Variants in DMXL2 observed in about 807,000 individuals in gnomAD.
DMXL2 encodes the protein dmX-like protein 2.
A neutral mutation model predicts 331.1 loss-of-function variants in DMXL2; 103 were observed. That is an observed-to-expected ratio of 0.31 (90% CI 0.27 to 0.37). The LOEUF is 0.37. Ranked by LOEUF, DMXL2 falls within the 10% of genes least tolerant of loss-of-function variation. The pLI is 1.00. For synonymous variants in DMXL2, 1,281 were observed against 1,252.1 expected (o/e 1.02, Z -0.49); for missense variants, 3,171 against 3,642.9 (o/e 0.87, Z 3.33).
chr15:51,448,887 T>C lies in DMXL2; in HGVS notation c.*97A>G. Reference sequence around the variant, plus strand: ...ATATTCAAATTCTACACAGAGATTCTCTGTTTTCAATACAACTGCTTAGAA... The same window carrying C: ...ATATTCAAATTCTACACAGAGATTCCCTGTTTTCAATACAACTGCTTAGAA... On this transcript the variant is annotated 3_prime_UTR_variant, in exon 44 of 44. Coordinates refer to ENST00000560891, the MANE Select transcript of DMXL2 (RefSeq NM_001378457.1). 1 of 1,227,822 alleles carries C rather than the reference T, an allele frequency of 8.1e-7. No individual in the cohort carries two copies. The highest frequency in any genetic ancestry group is 1.2e-6 in the Non-Finnish European group (1 of 868,536). 76.1% of individuals were successfully genotyped at this position (1,227,822 alleles called of 1,614,324 possible).
At chr15:51,587,305 C>T (rs2051918710) in intron 1 of DMXL2, among the ~76,000 whole-genome samples, 1 of 152,110 alleles carries the variant, frequency 6.6e-6, no homozygotes, top group South Asian at 2.1e-4. Flanking sequence ...TCTCCTAATG[C>T]TATCCCTCCC....
intron 1 of DMXL2, among the ~76,000 whole-genome samples, chr15:51,597,598 G>A (rs929593228): frequency 5.3e-5 from 8 of 152,160 alleles, no homozygotes; most frequent in Admixed American, 1.3e-4. Context: ...ATGCTGCTAT[G>A]AACATTCTTG....
At chr15:51,548,997 T>C (rs2049045025) in intron 6 of DMXL2, among the ~76,000 whole-genome samples, 1 of 151,896 alleles carries the variant, frequency 6.6e-6, no homozygotes, top group Non-Finnish European at 1.5e-5. Flanking sequence ...GGGGAACAGG[T>C]AGTGTTTGGT....
At chr15:51,454,602 T>G (rs1347544885) in intron 40 of DMXL2, among the ~76,000 whole-genome samples, 7 of 152,130 alleles carry the variant, frequency 4.6e-5, no homozygotes, top group Non-Finnish European at 1.0e-4. Flanking sequence ...GTTCAAGCGA[T>G]TCTCCTGCCT....
chr15:51,572,085 G>C (rs755809040), intron 2 of DMXL2, among the ~76,000 whole-genome samples: 18 of 151,902 alleles, frequency 1.2e-4, no homozygotes, highest in Non-Finnish European at 2.2e-4. Flanking sequence ...AGACACAATA[G>C]AAAATGATAA....
chr15:51,478,010 A>C (rs968665092), intron 26 of DMXL2, among the ~76,000 whole-genome samples: 1 of 151,984 alleles, frequency 6.6e-6, no homozygotes, highest in Non-Finnish European at 1.5e-5. Flanking sequence ...TGGACAGTAA[A>C]CTCTTCTTTC....
intron 6 of DMXL2, 44 bp downstream of exon 6, chr15:51,563,337 T>C: frequency 7.0e-7 from 1 of 1,422,458 alleles, no homozygotes; most frequent in East Asian, 2.4e-5. Context: ...ACATTTTAAA[T>C]TCTTTTATTT....
In DMXL2 at chr15:51,459,648, GTTC is replaced by G; in HGVS notation, c.7936_7938del (p.Glu2646del). 1 of 1,289,730 alleles carries G rather than the reference GTTC, an allele frequency of 7.8e-7. No homozygotes were observed. The highest frequency in any genetic ancestry group is 1.0e-6 in the Non-Finnish European group (1 of 988,832). 79.9% of individuals were successfully genotyped at this position (1,289,730 alleles called of 1,614,324 possible). On this transcript the variant is annotated inframe_deletion, in exon 34 of 44. Transcript: ENST00000560891. ...CAGTTTTGGTTGACCTGCTCCACAT[GTTC>G]TTCTATAGACTAAATACCACCACAC...
chr15:51,480,998 A>G lies in DMXL2; in HGVS notation c.6108T>C (p.Asp2036=), dbSNP rs757905482. 5 of 1,614,160 alleles carry G rather than the reference A, an allele frequency of 3.1e-6. No homozygotes were observed. The Admixed American group carries it at 6.7e-5, about 22-fold the overall frequency. ...TGAATTTTAGTTGTTCAGCAATCAC[A>G]TCAACTTCAGTATCACCTTCAGGAT... The part of the protein sequence containing the change: ...EDDPEGDTEV[D]VIAEQLKFRA... Residue 2036 remains aspartate (D), a synonymous_variant, in exon 24 of 44, where the codon GAT becomes GAC. Transcript: ENST00000560891.
intron 27 of DMXL2, 43 bp from the exon 28 acceptor site, chr15:51,474,635 G>C: frequency 6.6e-7 from 1 of 1,511,532 alleles, no homozygotes; most frequent in Non-Finnish European, 8.9e-7. Context: ...TCAGGATGAA[G>C]CACCAGAAGG....
intron 16 of DMXL2, among the ~76,000 whole-genome samples, chr15:51,503,684 A>G (rs891283443): frequency 2.0e-5 from 3 of 152,196 alleles, no homozygotes; most frequent in African/African-American, 4.8e-5. Context: ...ACAACAATGT[A>G]TATTTCAAAA....
intron 13 of DMXL2, among the ~76,000 whole-genome samples, chr15:51,520,964 T>C (rs2047326150): frequency 6.6e-6 from 1 of 152,208 alleles, no homozygotes; most frequent in Admixed American, 6.5e-5. Flanking sequence ...TCCTCCTGAA[T>C]CTTTTACAGT....
rs1037628253 is a variant in DMXL2 at position 51,459,473 on chromosome 15, T to G, written c.7989+125A>C. On this transcript the variant is annotated intron_variant, in intron 34 of 43. Coordinates refer to ENST00000560891, the MANE Select transcript of DMXL2 (RefSeq NM_001378457.1). The stretch of plus-strand genomic sequence containing the variant: ...CTCCTCCCCTGTGCCACTGAAGTGG[T>G]ATGGGAGTACTATGAGTTCTCTGAG... 2.2e-5 allele frequency: 15 copies of G among 675,692 alleles called. No individual in the cohort carries two copies. The Admixed American group carries it at 3.7e-4, about 17-fold the overall frequency. The allele number at this position is 675,692 out of a possible 1,614,324, so 41.9% of individuals were successfully genotyped here.
At chr15:51,531,949 T>C (rs1419573574) in intron 13 of DMXL2, among the ~76,000 whole-genome samples, 1 of 152,120 alleles carries the variant, frequency 6.6e-6, no homozygotes, top group Non-Finnish European at 1.5e-5. Context: ...ACAACCATGA[T>C]AGAGAACAGT....
chr15:51,549,782 C>T (rs935732074), intron 6 of DMXL2, among the ~76,000 whole-genome samples: 1 of 151,990 alleles, frequency 6.6e-6, no homozygotes, highest in Admixed American at 6.6e-5. Context: ...CTATTGATGT[C>T]CTCAGTCCAT....
At chr15:51,482,244 G>A (rs1365054797) in intron 23 of DMXL2, among the ~76,000 whole-genome samples, 1 of 152,028 alleles carries the variant, frequency 6.6e-6, no homozygotes, top group Non-Finnish European at 1.5e-5. Flanking sequence ...TACATCCTTA[G>A]CAGAATGTAC....
intron 3 of DMXL2, 111 bp from the exon 4 acceptor site, chr15:51,565,277 G>A: frequency 3.4e-6 from 2 of 589,790 alleles, no homozygotes; most frequent in Non-Finnish European, 5.6e-6. Context: ...TTTAAGATCT[G>A]GAACAAAGAT....
At position 51,463,484 on chromosome 15, in the gene DMXL2, A is replaced by C. The variant is rs1279953159; in HGVS notation, c.7821T>G (p.Ser2607=). The change falls in exon 33 of 44, where the codon TCT becomes TCG. Residue 2607 remains serine, a synonymous_variant. Transcript: ENST00000560891. ...PENTPFKSRD[S]SAFPVKRLWH... The stretch of plus-strand genomic sequence containing the variant: ...AAAGTCGTTTGACTGGAAATGCAGA[A>C]GAATCCCGGGACCTATTAAAAAAAA... The C allele has an allele frequency of 6.3e-7, 1 of 1,593,326 alleles. No homozygotes were observed. The highest frequency in any genetic ancestry group is 8.5e-7 in the Non-Finnish European group (1 of 1,172,720).
intron 8 of DMXL2, among the ~76,000 whole-genome samples, chr15:51,543,163 G>A (rs1287067489): frequency 6.6e-6 from 1 of 151,818 alleles, no homozygotes; most frequent in Non-Finnish European, 1.5e-5. Flanking sequence ...TTTAGTCATG[G>A]GGCCATGTCA....
Sources: gnomAD v4.1 joint callset for allele counts (sites outside exome capture counted in the v4.1 genomes callset) on GRCh38, gnomAD v4.1.1 for gene constraint, MANE v1.5 for transcripts, NCBI Gene and HGNC (gene_info 2026-07-23, HGNC 2026-07-21) for gene names.